UNC5D: variants seen among roughly 807,000 people sequenced by gnomAD.
UNC5D encodes unc-5 netrin receptor D, also known as netrin receptor UNC5D.
In UNC5D, 39 loss-of-function variants were observed where a neutral mutation model predicts 105.4. That is an observed-to-expected ratio of 0.37 (90% CI 0.29 to 0.48). The LOEUF is 0.48. Ranked by LOEUF, UNC5D falls within the 20% of genes least tolerant of loss-of-function variation. UNC5D has a pLI of 0.98. For synonymous variants in UNC5D, 452 were observed against 450.4 expected (o/e 1.00, Z -0.04); for missense variants, 991 against 1,202.4 (o/e 0.82, Z 2.60).
chr8:35,651,008 A>G (rs868616313), intron 4 of UNC5D, among the ~76,000 whole-genome samples: 2 of 152,210 alleles, frequency 1.3e-5, no homozygotes, highest in African/African-American at 4.8e-5. Context: ...GGCTTAGCTT[A>G]TAGAATGTTC....
At chr8:35,544,253 G>A in intron 1 of UNC5D, 1 of 954,488 alleles carries the variant, frequency 1.0e-6, no homozygotes, top group Non-Finnish European at 1.5e-6. Flanking sequence ...AGCCTACCAA[G>A]GCTCTTTCCT....
At chr8:35,445,123 G>A (rs1807683942) in intron 1 of UNC5D, among the ~76,000 whole-genome samples, 1 of 151,854 alleles carries the variant, frequency 6.6e-6, no homozygotes, top group Non-Finnish European at 1.5e-5. Context: ...TCAGAGTGTA[G>A]CCCCCAACTT....
intron 1 of UNC5D, among the ~76,000 whole-genome samples, chr8:35,410,303 T>A (rs1805084234): frequency 6.6e-6 from 1 of 151,914 alleles, no homozygotes; most frequent in Non-Finnish European, 1.5e-5. Context: ...ATGTACACAT[T>A]ACCTTAAAAA....
intron 4 of UNC5D, among the ~76,000 whole-genome samples, chr8:35,620,758 C>T (rs1821315502): frequency 6.6e-6 from 1 of 152,150 alleles, no homozygotes; most frequent in Non-Finnish European, 1.5e-5. Context: ...ATTGGGCTTT[C>T]ATCCCTGAGT....
At chr8:35,282,763 G>T (rs1172890539) in intron 1 of UNC5D, among the ~76,000 whole-genome samples, 1 of 146,196 alleles carries the variant, frequency 6.8e-6, no homozygotes, top group African/African-American at 2.5e-5. Context: ...TTTCCTTCTT[G>T]TTATCCCATC....
intron 1 of UNC5D, among the ~76,000 whole-genome samples, chr8:35,436,638 C>T (rs957692044): frequency 9.9e-5 from 15 of 152,040 alleles, no homozygotes; most frequent in Admixed American, 4.6e-4. Context: ...GATTGTATCT[C>T]CATATAAATA....
At chr8:35,305,661 CT>C (rs1361296929) in intron 1 of UNC5D, among the ~76,000 whole-genome samples, 2 of 131,590 alleles carry the variant, frequency 1.5e-5, no homozygotes, top group Admixed American at 1.6e-4. Context: ...TCTTTTCTTT[CT>C]CTTTTTCTTT....
In UNC5D at chr8:35,339,982, A is replaced by T. The variant is rs569586056; in HGVS notation, c.103+104095A>T. On this transcript the variant is annotated intron_variant, in intron 1 of 16. Transcript: ENST00000404895. ...ATCTTTCACAAAACATTGTTGGTTT[A>T]CACACGTCTCCTTTAATTCAGAGCT... Among the ~76,000 whole-genome samples, 14 of 152,318 alleles carry T rather than the reference A, an allele frequency of 9.2e-5. No homozygotes were observed. In the East Asian group the frequency reaches 2.7e-3, roughly 29 times the overall value.
intron 16 of UNC5D, among the ~76,000 whole-genome samples, chr8:35,780,967 G>A (rs780009425): frequency 3.1e-4 from 47 of 152,122 alleles, no homozygotes; most frequent in African/African-American, 4.3e-4. Context: ...TTTTATTTAC[G>A]TGTCAAGTTT....
chr8:35,268,918 T>G (rs1407260236), intron 1 of UNC5D, among the ~76,000 whole-genome samples: 1 of 152,144 alleles, frequency 6.6e-6, no homozygotes, highest in Non-Finnish European at 1.5e-5. Context: ...AAATTATAAC[T>G]GAACAAATTA....
rs1253543564 is a variant in UNC5D, at chr8:35,255,786, T to TTAGA, written c.103+19904_103+19907dup. 33 of 152,176 alleles carry TTAGA rather than the reference T, an allele frequency of 2.2e-4. 1 individual carries two copies. Among genetic ancestry groups the TTAGA allele is most frequent in the African/African-American group, 6.8e-4 (28 of 41,448 alleles). 9.4% of individuals were successfully genotyped at this position (152,176 alleles called of 1,614,324 possible). On this transcript the variant is annotated intron_variant, in intron 1 of 16. Coordinates refer to ENST00000404895, the MANE Select transcript of UNC5D (RefSeq NM_080872.4). ...CAAATTATATTCTGCTTTTTTTGTC[T>TTAGA]TAGATAGAAATAAACAATTACATGG...
At chr8:35,664,052 G>T (rs948104121) in intron 4 of UNC5D, among the ~76,000 whole-genome samples, 9 of 152,276 alleles carry the variant, frequency 5.9e-5, no homozygotes, top group Non-Finnish European at 4.4e-5. Context: ...TCTTCAAGGG[G>T]TGCTGACATT....
chr8:35,453,087 CT>C (rs1001873252), intron 1 of UNC5D, among the ~76,000 whole-genome samples: 2 of 152,098 alleles, frequency 1.3e-5, no homozygotes, highest in African/African-American at 2.4e-5. Flanking sequence ...CCCACAGCCT[CT>C]TTTTTGAATG....
chr8:35,384,335 A>G (rs1803247503), intron 1 of UNC5D, among the ~76,000 whole-genome samples: 1 of 152,204 alleles, frequency 6.6e-6, no homozygotes, highest in Non-Finnish European at 1.5e-5. Context: ...TAGGGGCTCA[A>G]TGTGTATGTG....
chr8:35,474,882 G>A (rs1809976597), intron 1 of UNC5D, among the ~76,000 whole-genome samples: 1 of 152,222 alleles, frequency 6.6e-6, no homozygotes, highest in Non-Finnish European at 1.5e-5. Flanking sequence ...AGGCTCAGCA[G>A]AGGAGTGAAT....
intron 4 of UNC5D, among the ~76,000 whole-genome samples, chr8:35,682,684 T>C (rs1438584717): frequency 1.3e-5 from 2 of 152,166 alleles, no homozygotes; most frequent in Non-Finnish European, 2.9e-5. Flanking sequence ...CCACTTGAAG[T>C]CAATTGAGGA....
At chr8:35,554,415 C>T (rs909035152) in intron 2 of UNC5D, among the ~76,000 whole-genome samples, 2 of 152,212 alleles carry the variant, frequency 1.3e-5, no homozygotes, top group Admixed American at 6.5e-5. Flanking sequence ...TTCATTTGTT[C>T]TGCCTCATTT....
At chr8:35,747,046 C>T (rs1178386382) in intron 11 of UNC5D, among the ~76,000 whole-genome samples, 1 of 152,168 alleles carries the variant, frequency 6.6e-6, no homozygotes, top group African/African-American at 2.4e-5. Context: ...AAGACATGAT[C>T]ATCTTAACCT....
chr8:35,491,128 T>G (rs1811191732), intron 1 of UNC5D, among the ~76,000 whole-genome samples: 1 of 152,186 alleles, frequency 6.6e-6, no homozygotes, highest in Non-Finnish European at 1.5e-5. Flanking sequence ...TGTTTTTTAT[T>G]TGCTTGTTTA....
Sources: allele counts gnomAD v4.1 joint callset (sites outside exome capture counted in the v4.1 genomes callset), GRCh38; gene constraint gnomAD v4.1.1; transcripts MANE v1.5; gene names NCBI Gene and HGNC (gene_info 2026-07-23, HGNC 2026-07-21).